PTK2B: variants seen among roughly 807,000 people sequenced by gnomAD.
PTK2B encodes the protein protein tyrosine kinase 2 beta.
A neutral mutation model predicts 142.9 loss-of-function variants in PTK2B; 71 were observed. The observed-to-expected ratio is 0.50, with a 90% CI of 0.41 to 0.61. The LOEUF is 0.61. PTK2B is among the 20% of genes least tolerant of loss of function. The pLI, the probability that PTK2B is intolerant of heterozygous loss-of-function variation, is 0.00. For missense variants in PTK2B, 1,105 were observed against 1,320.4 expected (o/e 0.84, Z 2.53); for synonymous variants, 519 against 503.4 (o/e 1.03, Z -0.42).
At chr8:27,438,695 G>A (rs1189668277) in intron 18 of PTK2B, among the ~76,000 whole-genome samples, 3 of 152,224 alleles carry the variant, frequency 2.0e-5, no homozygotes, top group Non-Finnish European at 2.9e-5. Flanking sequence ...CACAGAAGTG[G>A]AGTGTAGCAG....
chr8:27,403,083 T>C (rs1176936109), intron 2 of PTK2B, among the ~76,000 whole-genome samples: 2 of 152,220 alleles, frequency 1.3e-5, no homozygotes, highest in South Asian at 2.1e-4. Context: ...TTCTCTCTGC[T>C]TCCTGACTTC....
chr8:27,441,802 G>C (rs530023720), intron 21 of PTK2B, among the ~76,000 whole-genome samples: 10 of 152,204 alleles, frequency 6.6e-5, no homozygotes, highest in African/African-American at 2.4e-4. Context: ...AAAAGCCCTG[G>C]GGGGATGGAG....
chr8:27,357,120 T>TGACC (rs1805436834), intron 1 of PTK2B, among the ~76,000 whole-genome samples: 1 of 152,208 alleles, frequency 6.6e-6, no homozygotes, highest in Non-Finnish European at 1.5e-5. Flanking sequence ...AGTCACAGTA[T>TGACC]TATATGAATG....
In PTK2B at chr8:27,440,364, T is replaced by G; in HGVS notation, c.1962T>G (p.Leu654=). The part of the protein sequence containing the change: ...LPKPDLCPPV[L]YTLMTRCWDY... ...AGCCTGATCTCTGTCCACCGGTCCT[T>G]TATACCCTCATGACCCGCTGCTGGG... Residue 654 remains leucine (L), a synonymous_variant, in exon 21 of 31, where the codon CTT becomes CTG. Transcript: ENST00000346049. 1 of 1,614,154 alleles carries G rather than the reference T, an allele frequency of 6.2e-7. No individual in the cohort carries two copies. The highest frequency in any genetic ancestry group is 1.1e-5 in the South Asian group (1 of 91,072).
At chr8:27,348,763 C>A (rs895687458) in intron 1 of PTK2B, among the ~76,000 whole-genome samples, 5 of 152,044 alleles carry the variant, frequency 3.3e-5, no homozygotes, top group African/African-American at 1.2e-4. Context: ...CCGGATCTCT[C>A]TGCTTGCACT....
intron 1 of PTK2B, among the ~76,000 whole-genome samples, chr8:27,397,155 G>A (rs1454790018): frequency 1.3e-5 from 2 of 152,096 alleles, no homozygotes; most frequent in East Asian, 1.9e-4. Flanking sequence ...ATTTTCTACT[G>A]TCTCACTCTT....
chr8:27,396,991 G>A (rs1808089627), intron 1 of PTK2B, among the ~76,000 whole-genome samples: 1 of 152,162 alleles, frequency 6.6e-6, no homozygotes, highest in African/African-American at 2.4e-5. Context: ...AGTTTTTGTT[G>A]GCAGCTGAGG....
intron 5 of PTK2B, among the ~76,000 whole-genome samples, chr8:27,426,768 CT>C (rs568844033): frequency 8.4e-4 from 128 of 152,270 alleles, no homozygotes; most frequent in Non-Finnish European, 1.4e-3. Flanking sequence ...TTGGGGTGAC[CT>C]TGATGTGCTA....
At chr8:27,421,434 C>A (rs1173910923) in intron 4 of PTK2B, among the ~76,000 whole-genome samples, 1 of 152,042 alleles carries the variant, frequency 6.6e-6, no homozygotes, top group Non-Finnish European at 1.5e-5. Flanking sequence ...GTGCACTGTA[C>A]CCAATGTGTA....
At chr8:27,391,571 G>A (rs995529375) in intron 1 of PTK2B, among the ~76,000 whole-genome samples, 1 of 152,176 alleles carries the variant, frequency 6.6e-6, no homozygotes, top group Non-Finnish European at 1.5e-5. Context: ...ATTTATTCCT[G>A]TAACCCTAGC....
At chr8:27,454,659 G>A (rs1267428537) in intron 30 of PTK2B, 48 bp downstream of exon 30, 1 of 1,583,682 alleles carries the variant, frequency 6.3e-7, no homozygotes, top group Non-Finnish European at 8.7e-7. Context: ...CTTTGCTCCT[G>A]CTTATGAGCC....
At chr8:27,448,057 T>C (rs1041599381) in intron 24 of PTK2B, among the ~76,000 whole-genome samples, 2 of 152,140 alleles carry the variant, frequency 1.3e-5, no homozygotes, top group African/African-American at 4.8e-5. Flanking sequence ...AAGTGGGAGT[T>C]CAGAGAGGAG....
intron 1 of PTK2B, among the ~76,000 whole-genome samples, chr8:27,389,412 A>G (rs1807572165): frequency 6.6e-6 from 1 of 152,234 alleles, no homozygotes; most frequent in Admixed American, 6.5e-5. Flanking sequence ...AACTAAGAGA[A>G]GAATGGAGCC....
At chr8:27,453,250 GATAGA>G in intron 28 of PTK2B, 90 bp downstream of exon 28, 1 of 1,542,154 alleles carries the variant, frequency 6.5e-7, no homozygotes, top group Non-Finnish European at 8.9e-7. Context: ...ACAGTTCTCA[GATAGA>G]ATCCAGTTCA....
intron 2 of PTK2B, among the ~76,000 whole-genome samples, chr8:27,403,941 TTCC>T (rs909086904): frequency 1.3e-5 from 2 of 151,598 alleles, no homozygotes; most frequent in Admixed American, 1.3e-4. Context: ...CTGCCTCCTC[TTCC>T]TCCTACTTCT....
At chr8:27,312,600 A>G (rs574660519) in intron 2 of PTK2B, among the ~76,000 whole-genome samples, 9 of 152,282 alleles carry the variant, frequency 5.9e-5, no homozygotes, top group African/African-American at 2.2e-4. Flanking sequence ...GTTAGTGTTG[A>G]AACTCAGAAA....
At chr8:27,443,722 AG>A (rs1180082152) in intron 22 of PTK2B, among the ~76,000 whole-genome samples, 1 of 152,208 alleles carries the variant, frequency 6.6e-6, no homozygotes, top group Non-Finnish European at 1.5e-5. Flanking sequence ...CAAATTGAAA[AG>A]GGGGACAAAT....
At chr8:27,313,437 G>C (rs1432057717) in intron 3 of PTK2B, 1 of 152,258 alleles carries the variant, frequency 6.6e-6, no homozygotes, top group Non-Finnish European at 1.5e-5. Flanking sequence ...TTATTAAAAA[G>C]TTTGGGACAG....
chr8:27,373,321 G>A (rs1314639828), intron 1 of PTK2B, among the ~76,000 whole-genome samples: 1 of 152,174 alleles, frequency 6.6e-6, no homozygotes, highest in East Asian at 1.9e-4. Context: ...TCTCCAACAA[G>A]CTGCTGTCTA....
Sources: gnomAD v4.1 joint callset for allele counts (sites outside exome capture counted in the v4.1 genomes callset) on GRCh38, gnomAD v4.1.1 for gene constraint, MANE v1.5 for transcripts, NCBI Gene and HGNC (gene_info 2026-07-23, HGNC 2026-07-21) for gene names.